Variants in PPIG observed in about 807,000 individuals in gnomAD.
PPIG encodes peptidylprolyl isomerase G.
PPIG carries 26 observed loss-of-function variants against 87.9 expected under a neutral mutation model. The ratio of observed to expected loss-of-function variants is 0.30; its 90% CI spans 0.22 to 0.41. The LOEUF (loss-of-function observed/expected upper bound fraction) is 0.41. Ranked by LOEUF, PPIG falls within the 10% of genes least tolerant of loss-of-function variation. The pLI is 1.00. For missense variants in PPIG, 722 were observed against 879.4 expected (o/e 0.82, Z 2.26); for synonymous variants, 308 against 276.5 (o/e 1.11, Z -1.13).
intron 1 of PPIG, among the ~76,000 whole-genome samples, chr2:169,592,673 C>T (rs1489644336): frequency 6.6e-6 from 1 of 152,096 alleles, no homozygotes; most frequent in Non-Finnish European, 1.5e-5. Flanking sequence ...CTCCTGGGCT[C>T]AAGTGATCCT....
intron 4 of PPIG, among the ~76,000 whole-genome samples, chr2:169,605,250 C>T (rs548765013): frequency 2.0e-5 from 3 of 152,286 alleles, no homozygotes; most frequent in Admixed American, 1.3e-4. Context: ...AGGAGAATCA[C>T]TTGAACCCTA....
At chr2:169,618,181 T>C (rs992090437) in intron 9 of PPIG, among the ~76,000 whole-genome samples, 1 of 152,124 alleles carries the variant, frequency 6.6e-6, no homozygotes, top group African/African-American at 2.4e-5. Context: ...GTTGAACCAT[T>C]CTTGCATCCC....
At chr2:169,628,953 A>G (rs1241452572) in intron 9 of PPIG, among the ~76,000 whole-genome samples, 2 of 143,386 alleles carry the variant, frequency 1.4e-5, no homozygotes, top group African/African-American at 5.5e-5. Context: ...AAAAAAAAAA[A>G]AAAAAAAAAA....
chr2:169,593,372 T>G (rs1684921528), intron 1 of PPIG, among the ~76,000 whole-genome samples: 1 of 151,550 alleles, frequency 6.6e-6, no homozygotes, highest in Admixed American at 6.6e-5. Context: ...TTTTTTGTAT[T>G]TTTAGTAGAG....
chr2:169,603,440 A>G (rs1013400845), intron 1 of PPIG, among the ~76,000 whole-genome samples: 2 of 152,114 alleles, frequency 1.3e-5, no homozygotes, highest in Admixed American at 1.3e-4. Context: ...GTACCCTCAT[A>G]TGTAAAATTG....
chr2:169,588,630 CTT>C (rs983964094), intron 1 of PPIG, among the ~76,000 whole-genome samples: 3 of 151,854 alleles, frequency 2.0e-5, no homozygotes, highest in African/African-American at 7.3e-5. Context: ...AATCTTTTTT[CTT>C]TTTTGTTTTT....
Position 169,639,513 on chromosome 2 carries a change from T to TA in PPIG, c.*1991dup, listed in dbSNP as rs539487932. On this transcript the variant is annotated 3_prime_UTR_variant, in exon 14 of 14. Coordinates refer to ENST00000260970, the MANE Select transcript of PPIG (RefSeq NM_004792.3). ...ATTATACATAAGGATTTCCAAATCT[T>TA]AGAGTTTCAAAAAGTAACCATAGGG... 68 of 152,196 alleles carry TA rather than the reference T, an allele frequency of 4.5e-4. No homozygotes were observed. The highest frequency in any genetic ancestry group is 1.5e-3 in the African/African-American group (64 of 41,558). The allele number at this position is 152,196 out of a possible 1,614,324, so 9.4% of individuals were successfully genotyped here. A position where few individuals can be genotyped will look rare whatever the true frequency, so the allele number is the denominator to read the frequency against.
intron 4 of PPIG, 46 bp downstream of exon 4, chr2:169,604,307 A>ATGGCTGGC (rs144507681): frequency 1.3e-6 from 1 of 789,688 alleles, no homozygotes; most frequent in South Asian, 1.8e-5. Context: ...TCAGTTGACT[A>ATGGCTGGC]TGGCTTGCTT....
At chr2:169,633,092 A>C (rs1037164943) in intron 11 of PPIG, 68 bp from the exon 12 acceptor site, 1 of 1,213,602 alleles carries the variant, frequency 8.2e-7, no homozygotes, top group African/African-American at 1.5e-5. Flanking sequence ...CATTTTTATT[A>C]AAGTAACATG....
intron 10 of PPIG, 62 bp downstream of exon 10, chr2:169,631,049 AG>A: frequency 7.1e-7 from 1 of 1,408,244 alleles, no homozygotes; most frequent in Non-Finnish European, 9.6e-7. Context: ...TAAATCTGTT[AG>A]GATTTTGGGT....
rs71006010 is a variant in PPIG, at chr2:169,628,939, C to CAAA, written c.548-1808_548-1806dup. Among the ~76,000 whole-genome samples the CAAA allele has an allele frequency of 1.5e-3, 139 of 92,270 alleles. 8 individuals are homozygous for CAAA. The highest frequency in any genetic ancestry group is 3.7e-3 in the African/African-American group (90 of 24,490). 60.5% of individuals were successfully genotyped at this position (92,270 alleles called of 152,430 possible). On this transcript the variant is annotated intron_variant, in intron 9 of 13. Transcript: ENST00000260970. ...GGGCAACAGAGCAAGACCCTGTCTC[C>CAAA]AAAAAAAAAAAAAAAAAAAAAAAAA...
Position 169,636,746 on chromosome 2 carries a change from T to C in PPIG, c.1488T>C (p.Asn496=), listed in dbSNP as rs753364061. Residue 496 remains asparagine, a synonymous_variant, in exon 14 of 14, where the codon AAT becomes AAC. Coordinates refer to ENST00000260970, the MANE Select transcript of PPIG (RefSeq NM_004792.3). ...GGAGTAAAGGAAGGGATCATGAAAA[T>C]GTTAAAGAAAAAGAAAAGCAGTCTG... ...RSRSKGRDHE[N]VKEKEKQSDS... 6 of 1,611,312 alleles carry C rather than the reference T, an allele frequency of 3.7e-6. No individual in the cohort carries two copies. Among genetic ancestry groups the C allele is most frequent in the Non-Finnish European group, 5.1e-6 (6 of 1,179,536 alleles).
chr2:169,598,756 A>G (rs901017957), intron 1 of PPIG, among the ~76,000 whole-genome samples: 1 of 149,692 alleles, frequency 6.7e-6, no homozygotes, highest in African/African-American at 2.4e-5. Context: ...TTATTAAATT[A>G]TTTTGTATTA....
chr2:169,599,233 G>C (rs1685109597), intron 1 of PPIG, among the ~76,000 whole-genome samples: 1 of 152,026 alleles, frequency 6.6e-6, no homozygotes, highest in Non-Finnish European at 1.5e-5. Context: ...GTGAAAAAAT[G>C]TTACGTTTGT....
At chr2:169,619,446 A>G (rs1685685637) in intron 9 of PPIG, among the ~76,000 whole-genome samples, 1 of 152,192 alleles carries the variant, frequency 6.6e-6, no homozygotes, top group Non-Finnish European at 1.5e-5. Flanking sequence ...TGTCTCATTG[A>G]TCTGTCTAAT....
At chr2:169,630,724 C>T (rs1282931059) in intron 9 of PPIG, 50 bp from the exon 10 acceptor site, 4 of 1,473,564 alleles carry the variant, frequency 2.7e-6, no homozygotes, top group African/African-American at 1.4e-5. Flanking sequence ...TCTCCTTCCA[C>T]AAAGTTTGTC....
At chr2:169,591,127 C>G (rs1684851881) in intron 1 of PPIG, among the ~76,000 whole-genome samples, 1 of 152,152 alleles carries the variant, frequency 6.6e-6, no homozygotes, top group South Asian at 2.1e-4. Context: ...TACCATATGC[C>G]TACTTATAAA....
Position 169,637,766 on chromosome 2 carries a change from T to C in PPIG, c.*243T>C, listed in dbSNP as rs1191551102. On this transcript the variant is annotated 3_prime_UTR_variant, in exon 14 of 14. Coordinates refer to ENST00000260970, the MANE Select transcript of PPIG (RefSeq NM_004792.3). ...AACACTTTGGTGTAGTACTGTGTGC[T>C]GTGTTTAACTATTTTATGTATGCAT... 3.0e-6 allele frequency: 1 copy of C among 334,098 alleles called. No homozygotes were observed. Among genetic ancestry groups the C allele is most frequent in the African/African-American group, 2.1e-5 (1 of 46,796 alleles). 20.7% of individuals were successfully genotyped at this position (334,098 alleles called of 1,614,324 possible).
chr2:169,586,241 T>C (rs76654283), intron 1 of PPIG, among the ~76,000 whole-genome samples: 15,795 of 152,232 alleles, frequency 0.1, 983 homozygotes, highest in Middle Eastern at 0.19. Context: ...TTTGAATTGT[T>C]GGTTTCCTTT....
Sources: gnomAD v4.1 joint callset for allele counts (sites outside exome capture counted in the v4.1 genomes callset) on GRCh38, gnomAD v4.1.1 for gene constraint, MANE v1.5 for transcripts, NCBI Gene and HGNC (gene_info 2026-07-23, HGNC 2026-07-21) for gene names.